NEIL3: variants seen among roughly 807,000 people sequenced by gnomAD.
The protein encoded by NEIL3 is endonuclease 8-like 3.
NEIL3 carries 48 observed loss-of-function variants against 57.5 expected under a neutral mutation model. That is an observed-to-expected ratio of 0.83 (90% confidence interval 0.66 to 1.06). NEIL3 has a LOEUF of 1.06. NEIL3 is among the 50% of genes least tolerant of loss of function. The pLI, the probability that NEIL3 is intolerant of heterozygous loss-of-function variation, is 0.00. For missense variants in NEIL3, 717 were observed against 739.1 expected (o/e 0.97, Z 0.35); for synonymous variants, 261 against 253.2 (o/e 1.03, Z -0.29).
chr4:177,358,999 C>T (rs113668809), intron 8 of NEIL3, among the ~76,000 whole-genome samples: 10 of 152,220 alleles, frequency 6.6e-5, no homozygotes, highest in African/African-American at 2.4e-4. Context: ...TGTGAAATCT[C>T]TTGACTTCTC....
intron 2 of NEIL3, among the ~76,000 whole-genome samples, chr4:177,329,382 G>A (rs1016039187): frequency 6.6e-6 from 1 of 151,972 alleles, no homozygotes; most frequent in Non-Finnish European, 1.5e-5. Context: ...AATGATGCAG[G>A]TTAAAATAAA....
chr4:177,314,798 C>T (rs1044304314), intron 1 of NEIL3, among the ~76,000 whole-genome samples: 1 of 152,046 alleles, frequency 6.6e-6, no homozygotes, highest in South Asian at 2.1e-4. Flanking sequence ...TTGTTGTAGG[C>T]CGGGCGCGGT....
chr4:177,367,420 A>G (rs1735706399), downstream of NEIL3, among the ~76,000 whole-genome samples: 1 of 152,010 alleles, frequency 6.6e-6, no homozygotes, highest in East Asian at 1.9e-4. Flanking sequence ...GTGGCTCCTT[A>G]TCAATCCCCA....
chr4:177,339,918 G>T (rs768803660), intron 5 of NEIL3, 61 bp downstream of exon 5: 3 of 1,147,602 alleles, frequency 2.6e-6, no homozygotes, highest in Non-Finnish European at 3.9e-6. Flanking sequence ...CTTTTGGAGT[G>T]CACCAAAAAA....
intron 2 of NEIL3, among the ~76,000 whole-genome samples, chr4:177,326,972 G>T (rs112829022): frequency 4.6e-5 from 7 of 151,916 alleles, no homozygotes; most frequent in Admixed American, 2.6e-4. Context: ...GTCGAGGTGT[G>T]GGGGGGCATG....
intron 4 of NEIL3, among the ~76,000 whole-genome samples, chr4:177,338,022 TCTCACACACA>T (rs1354268362): frequency 7.7e-6 from 1 of 129,182 alleles, no homozygotes; most frequent in East Asian, 2.1e-4. Flanking sequence ...TGTCTCTCTC[TCTCACACACA>T]CACACACACA....
intron 2 of NEIL3, among the ~76,000 whole-genome samples, chr4:177,327,544 C>T (rs867765807): frequency 6.6e-6 from 1 of 152,104 alleles, no homozygotes; most frequent in Non-Finnish European, 1.5e-5. Context: ...TTTTAAGCCT[C>T]GCATGCATTA....
At chr4:177,333,757 C>G (rs1394109327) in intron 2 of NEIL3, among the ~76,000 whole-genome samples, 1 of 152,182 alleles carries the variant, frequency 6.6e-6, no homozygotes, top group Admixed American at 6.5e-5. Flanking sequence ...CTAGCAGGAT[C>G]TCCTTGGGTC....
chr4:177,358,318 G>GT (rs201169217), intron 8 of NEIL3, among the ~76,000 whole-genome samples: 5,783 of 151,584 alleles, frequency 0.038, 180 homozygotes, highest in South Asian at 0.11. Flanking sequence ...TTTGTTTTTT[G>GT]TTTTTTTTGA....
At chr4:177,347,283 A>G (rs1415121699) in intron 6 of NEIL3, among the ~76,000 whole-genome samples, 1 of 152,170 alleles carries the variant, frequency 6.6e-6, no homozygotes, top group Non-Finnish European at 1.5e-5. Context: ...GAAAGAAGGC[A>G]TGTATGACTG....
At chr4:177,312,472 T>C (rs1734494781) in intron 1 of NEIL3, among the ~76,000 whole-genome samples, 1 of 152,238 alleles carries the variant, frequency 6.6e-6, no homozygotes, top group Non-Finnish European at 1.5e-5. Context: ...CCACCATTTT[T>C]AGTTTTGTTC....
intron 2 of NEIL3, among the ~76,000 whole-genome samples, chr4:177,326,860 A>G (rs371913588): frequency 1.3e-5 from 2 of 152,150 alleles, no homozygotes; most frequent in African/African-American, 4.8e-5. Context: ...GTATGGAAAT[A>G]CAATTTTTGT....
chr4:177,328,512 T>C (rs73864987), intron 2 of NEIL3, among the ~76,000 whole-genome samples: 18,431 of 152,198 alleles, frequency 0.12, 1,195 homozygotes, highest in Middle Eastern at 0.21. Flanking sequence ...AGAAATTATG[T>C]AAGACAGAAG....
At chr4:177,352,136 G>A (rs780505702) in intron 7 of NEIL3, among the ~76,000 whole-genome samples, 3 of 152,160 alleles carry the variant, frequency 2.0e-5, no homozygotes, top group Non-Finnish European at 2.9e-5. Context: ...TCATTGCAGC[G>A]GCTTCTATTG....
At chr4:177,357,629 T>C (rs1444337096) in intron 8 of NEIL3, among the ~76,000 whole-genome samples, 1 of 152,234 alleles carries the variant, frequency 6.6e-6, no homozygotes, top group African/African-American at 2.4e-5. Flanking sequence ...CTATTATGCC[T>C]CGGGCATTGT....
At position 177,362,298 on chromosome 4, in the gene NEIL3, T is replaced by C; in HGVS notation, c.1645T>C (p.Leu549=). The C allele has an allele frequency of 6.2e-7, 1 of 1,603,092 alleles. No homozygotes were observed. Among genetic ancestry groups the C allele is most frequent in the Non-Finnish European group, 8.5e-7 (1 of 1,176,166 alleles). Residue 549 remains leucine (L), a synonymous_variant, in exon 10 of 10, where the codon TTG becomes CTG. Coordinates refer to ENST00000264596, the MANE Select transcript of NEIL3 (RefSeq NM_018248.3). ...AQCGFFEWAD[L]SFPFCNHGKR... ...CCTTTTTTTCCTGCAGTGGGCAGAT[T>C]TGTCCTTCCCATTCTGCAACCATGG...
At chr4:177,361,270 C>G (rs977926910) in intron 9 of NEIL3, among the ~76,000 whole-genome samples, 3 of 152,180 alleles carry the variant, frequency 2.0e-5, no homozygotes, top group Non-Finnish European at 4.4e-5. Flanking sequence ...TTTAGTCAGT[C>G]TCACTTCCGG....
chr4:177,335,854 G>C lies in NEIL3; in HGVS notation c.413+32G>C. ...AAAATTAAATAAAAGTACTTACGCT[G>C]CAATACTGCAGAGCTTGGTTTGGGA... On this transcript the variant is annotated intron_variant, in intron 3 of 9. Coordinates refer to ENST00000264596, the MANE Select transcript of NEIL3 (RefSeq NM_018248.3). 2.6e-6 allele frequency: 4 copies of C among 1,509,516 alleles called. No homozygotes were observed. In the South Asian group the frequency reaches 5.6e-5, roughly 21 times the overall value. 93.5% of individuals were successfully genotyped at this position (1,509,516 alleles called of 1,614,324 possible). A position where few individuals can be genotyped will look rare whatever the true frequency, so the allele number is the denominator to read the frequency against.
At chr4:177,346,103 CTT>C (rs1735215589) in intron 6 of NEIL3, among the ~76,000 whole-genome samples, 2 of 152,276 alleles carry the variant, frequency 1.3e-5, no homozygotes, top group African/African-American at 4.8e-5. Flanking sequence ...CAACTGCTCT[CTT>C]GAAAATCACC....
Sources: gnomAD v4.1 joint callset for allele counts (sites outside exome capture counted in the v4.1 genomes callset) on GRCh38, gnomAD v4.1.1 for gene constraint, MANE v1.5 for transcripts, NCBI Gene and HGNC (gene_info 2026-07-23, HGNC 2026-07-21) for gene names.